The following USH2A variants were observed in gnomAD, a reference collection of about 807,000 sequenced individuals.
USH2A encodes usherin.
USH2A carries 443 observed loss-of-function variants against 538.9 expected under a neutral mutation model. The observed-to-expected ratio is 0.82, with a 90% CI of 0.76 to 0.89. The LOEUF (loss-of-function observed/expected upper bound fraction) is 0.89, where lower values mean the gene tolerates loss of function less well. Ranked by LOEUF, USH2A falls within the 40% of genes least tolerant of loss-of-function variation. The probability of loss-of-function intolerance (pLI) is 0.00; values close to 1 mark genes in which losing one functional copy is unlikely to be tolerated. For synonymous variants in USH2A, 2,413 were observed against 2,273.5 expected, an observed-to-expected ratio of 1.06 and a Z score of -1.75; for missense variants, 6,633 against 6,324.8, an observed-to-expected ratio of 1.05 and a Z score of -1.65.
At chr1:216,043,740 C>T (rs992271520) in intron 32 of USH2A, among the ~76,000 whole-genome samples, 1 of 151,974 alleles carries the variant, frequency 6.6e-6, no homozygotes, top group African/African-American at 2.4e-5. Context: ...GCCCTTTTTC[C>T]GGTTTTGTCC....
At chr1:215,877,715 A>G in intron 43 of USH2A, 43 bp downstream of exon 43, 1 of 1,612,228 alleles carries the variant, frequency 6.2e-7, no homozygotes, top group South Asian at 1.1e-5. Flanking sequence ...ACATGCCCAG[A>G]ACTAAATGCC....
chr1:215,723,440 C>T (rs1659720695), intron 61 of USH2A, among the ~76,000 whole-genome samples: 1 of 152,192 alleles, frequency 6.6e-6, no homozygotes, highest in Non-Finnish European at 1.5e-5. Context: ...TCAGCAACAT[C>T]CACCTGTCTA....
chr1:216,370,889 T>C lies in USH2A; in HGVS notation c.652-5804A>G, dbSNP rs535254906. 1.1e-4 allele frequency among the ~76,000 whole-genome samples: 16 copies of C among 152,174 alleles called. No homozygotes were observed. The South Asian group carries it at 2.9e-3, about 28-fold the overall frequency. ...GGATTGGTGTCACCACCTCCCACAA[T>C]AGGAAAGGTGACATCCCCTGTGTAC... On this transcript the variant is annotated intron_variant, in intron 3 of 71. Coordinates refer to ENST00000307340, the MANE Select transcript of USH2A (RefSeq NM_206933.4).
intron 55 of USH2A, among the ~76,000 whole-genome samples, chr1:215,772,494 T>C (rs1661319666): frequency 6.6e-6 from 1 of 152,180 alleles, no homozygotes; most frequent in African/African-American, 2.4e-5. Context: ...GAAAGAAGCA[T>C]AATATAACCA....
chr1:215,881,489 C>A (rs534180706), intron 41 of USH2A, among the ~76,000 whole-genome samples: 1 of 152,254 alleles, frequency 6.6e-6, no homozygotes, highest in South Asian at 2.1e-4. Context: ...GTATTCTATT[C>A]TTTTCTATGC....
intron 13 of USH2A, among the ~76,000 whole-genome samples, chr1:216,237,051 T>C (rs919544328): frequency 1.2e-4 from 18 of 152,172 alleles, no homozygotes; most frequent in African/African-American, 3.6e-4. Flanking sequence ...GCAAAACTTA[T>C]ATTCTCTGTT....
chr1:215,856,082 T>A (rs1045638949), intron 44 of USH2A, among the ~76,000 whole-genome samples: 9 of 152,146 alleles, frequency 5.9e-5, no homozygotes, highest in Non-Finnish European at 1.0e-4. Flanking sequence ...CCACAAAAAT[T>A]CTAGAAGATA....
At chr1:216,253,748 C>A (rs2036207543) in intron 11 of USH2A, among the ~76,000 whole-genome samples, 1 of 152,176 alleles carries the variant, frequency 6.6e-6, no homozygotes, top group Non-Finnish European at 1.5e-5. Context: ...TTGTTCAAAA[C>A]AAACAAACAA....
chr1:215,761,346 C>T (rs1467945020), intron 56 of USH2A, among the ~76,000 whole-genome samples: 6 of 152,196 alleles, frequency 3.9e-5, no homozygotes, highest in Admixed American at 2.6e-4. Context: ...GAGTCCCAAC[C>T]TAGTTTCTCT....
At chr1:216,394,811 C>T (rs904403129) in intron 3 of USH2A, among the ~76,000 whole-genome samples, 2 of 149,642 alleles carry the variant, frequency 1.3e-5, no homozygotes, top group Non-Finnish European at 3.0e-5. Flanking sequence ...CTCCGCCTCC[C>T]GGGTTCACGC....
intron 37 of USH2A, among the ~76,000 whole-genome samples, chr1:215,962,836 A>C (rs1667235508): frequency 6.6e-6 from 1 of 152,148 alleles, no homozygotes; most frequent in Non-Finnish European, 1.5e-5. Flanking sequence ...AATTTTTAAG[A>C]AAAATCACAC....
intron 60 of USH2A, among the ~76,000 whole-genome samples, chr1:215,732,611 G>A (rs1443015353): frequency 2.4e-5 from 3 of 122,852 alleles, no homozygotes; most frequent in African/African-American, 6.2e-5. Context: ...GGGCAATCTC[G>A]GCTCACTGCA....
chr1:216,284,860 G>A (rs893567508), intron 11 of USH2A, among the ~76,000 whole-genome samples: 1 of 152,268 alleles, frequency 6.6e-6, no homozygotes, highest in African/African-American at 2.4e-5. Context: ...AGTAACTTGT[G>A]GGGAACTGGA....
At chr1:215,951,932 T>G (rs1571840928) in intron 37 of USH2A, among the ~76,000 whole-genome samples, 1 of 151,706 alleles carries the variant, frequency 6.6e-6, no homozygotes, top group East Asian at 1.9e-4. Flanking sequence ...TGGCGCAATC[T>G]CGGCTCACTG....
intron 30 of USH2A, 104 bp downstream of exon 30, chr1:216,069,997 A>G: frequency 1.5e-6 from 2 of 1,334,922 alleles, no homozygotes; most frequent in Admixed American, 2.0e-5. Context: ...AAATACATGT[A>G]TATTTAATAC....
chr1:216,370,677 C>CAAAAAAAAAAAAAAAAAAAAAAAAAAAA (rs58845914), intron 3 of USH2A, among the ~76,000 whole-genome samples: 2 of 30,000 alleles, frequency 6.7e-5, no homozygotes, highest in African/African-American at 2.2e-4. Context: ...GACTCTGTCT[C>CAAAAAAAAAAAAAAAAAAAAAAAAAAAA]AAAAAAAAAA....
intron 21 of USH2A, among the ~76,000 whole-genome samples, chr1:216,121,511 A>G (rs190341973): frequency 3.7e-4 from 57 of 152,282 alleles, no homozygotes; most frequent in Admixed American, 3.3e-3. Context: ...TTTAGCTTTA[A>G]TCTTCTTACT....
intron 32 of USH2A, 104 bp from the exon 33 acceptor site, chr1:216,000,666 G>A: frequency 1.4e-6 from 2 of 1,396,700 alleles, no homozygotes; most frequent in East Asian, 2.4e-5. Flanking sequence ...TTAAGATAAG[G>A]CTTAAAATAT....
At position 216,321,870 on chromosome 1, in the gene USH2A, A is replaced by T. The variant is rs1452858532; in HGVS notation, c.1644+13T>A. 3.1e-6 allele frequency: 5 copies of T among 1,611,158 alleles called. No individual in the cohort carries two copies. The highest frequency in any genetic ancestry group is 4.2e-6 in the Non-Finnish European group (5 of 1,177,380). On this transcript the variant is annotated intron_variant, in intron 9 of 71. Coordinates refer to ENST00000307340, the MANE Select transcript of USH2A (RefSeq NM_206933.4). ...TTTTTTTTTTAGATTTCCATGCATAAAATAGAACTCACATGAAGTCCTTCA... is the reference window on the plus strand; with the variant it reads ...TTTTTTTTTTAGATTTCCATGCATATAATAGAACTCACATGAAGTCCTTCA...
Sources: gnomAD v4.1 joint callset for allele counts (sites outside exome capture counted in the v4.1 genomes callset) on GRCh38, gnomAD v4.1.1 for gene constraint, MANE v1.5 for transcripts, NCBI Gene and HGNC (gene_info 2026-07-23, HGNC 2026-07-21) for gene names.